The following MIA2 variants were observed in gnomAD, a reference collection of about 807,000 sequenced individuals.
MIA2 encodes the protein MIA SH3 domain ER export factor 2, also known as melanoma inhibitory activity protein 2.
Under a neutral mutation model 167.8 loss-of-function variants are expected in MIA2, and 127 were observed. That is an observed-to-expected ratio of 0.76 (90% CI 0.66 to 0.88). The LOEUF is 0.88. Among genes scored for constraint, MIA2 ranks in the 40% least tolerant of loss-of-function variants. The probability of loss-of-function intolerance (pLI) is 0.00; values close to 1 mark genes in which losing one functional copy is unlikely to be tolerated. For synonymous variants in MIA2, 552 were observed against 541.9 expected (o/e 1.02, Z -0.26); for missense variants, 1,690 against 1,624.7 (o/e 1.04, Z -0.69).
At chr14:39,285,681 C>CGGACGG (rs1566730973) in intron 9 of MIA2, among the ~76,000 whole-genome samples, 1 of 151,508 alleles carries the variant, frequency 6.6e-6, no homozygotes. Context: ...ACCTCCCTCC[C>CGGACGG]GGTCGGGGTG....
chr14:39,279,441 T>A lies in MIA2; in HGVS notation c.2042-8T>A, dbSNP rs1408268600. ...TTACTCATGGTAATATTGACTTGAC[T>A]TTTTTAGGACGAGAGAAAAAGCTTG... is the stretch of plus-strand genomic sequence containing the variant. On this transcript the variant is annotated splice_region_variant and splice_polypyrimidine_tract_variant and intron_variant, in intron 8 of 28. Transcript: ENST00000640607. 1.9e-6 allele frequency: 3 copies of A among 1,603,526 alleles called. No individual in the cohort carries two copies. The African/African-American group carries it at 4.0e-5, about 22-fold the overall frequency.
chr14:39,290,245 A>G (rs1395351860), intron 9 of MIA2, among the ~76,000 whole-genome samples: 1 of 152,148 alleles, frequency 6.6e-6, no homozygotes, highest in Non-Finnish European at 1.5e-5. Context: ...GTCAAATACT[A>G]GACTTGCCTT....
intron 6 of MIA2, among the ~76,000 whole-genome samples, chr14:39,270,395 T>G (rs1251843031): frequency 6.6e-6 from 1 of 151,874 alleles, no homozygotes; most frequent in Non-Finnish European, 1.5e-5. Context: ...AGAGACAGGT[T>G]TCACCATGTT....
At chr14:39,325,157 A>G (rs1467072933) in intron 24 of MIA2, among the ~76,000 whole-genome samples, 1 of 151,846 alleles carries the variant, frequency 6.6e-6, no homozygotes, top group African/African-American at 2.4e-5. Flanking sequence ...TAGGAGGCGG[A>G]GGTTGCAGTG....
intron 23 of MIA2, among the ~76,000 whole-genome samples, chr14:39,379,371 C>T (rs2075107845): frequency 6.6e-6 from 1 of 152,118 alleles, no homozygotes; most frequent in Non-Finnish European, 1.5e-5. Flanking sequence ...TAATTTCTGG[C>T]CCTGTGCCTC....
chr14:39,382,299 C>T (rs1174091678), intron 23 of MIA2, among the ~76,000 whole-genome samples: 2 of 152,258 alleles, frequency 1.3e-5, no homozygotes, highest in African/African-American at 4.8e-5. Context: ...TAAAGACAGC[C>T]CAAGCTGGTA....
Position 39,253,132 on chromosome 14 carries a change from G to A in MIA2, c.1848G>A (p.Met616Ile), listed in dbSNP as rs771919769. ...YLFQIDVYDF[M>I]NSAFSPIVIL... ...TCCAAATTGATGTTTATGATTTCAT[G>A]AATTCTGCATTTTCACCAATTGTAA... The change falls in exon 6 of 29, where the codon ATG becomes ATA. Residue 616 changes from methionine (M) to isoleucine (I), a missense_variant. Met to Ile is a conservative substitution (Grantham distance 10). Transcript: ENST00000640607. 2.5e-6 allele frequency: 4 copies of A among 1,608,260 alleles called. No individual in the cohort carries two copies. The highest frequency in any genetic ancestry group is 3.4e-6 in the Non-Finnish European group (4 of 1,176,936).
At chr14:39,364,714 G>T (rs1274052068) in intron 23 of MIA2, among the ~76,000 whole-genome samples, 10 of 150,344 alleles carry the variant, frequency 6.7e-5, no homozygotes, top group African/African-American at 1.2e-4. Context: ...CTGATAGTTT[G>T]TTTTTTTTGT....
At chr14:39,303,758 G>A (rs915460265) in intron 16 of MIA2, among the ~76,000 whole-genome samples, 3 of 151,506 alleles carry the variant, frequency 2.0e-5, no homozygotes, top group South Asian at 2.1e-4. Flanking sequence ...CTCATTTTTC[G>A]GATAAGACTA....
chr14:39,323,249 G>C (rs1410820556), intron 24 of MIA2, among the ~76,000 whole-genome samples: 1 of 151,996 alleles, frequency 6.6e-6, no homozygotes, highest in Non-Finnish European at 1.5e-5. Context: ...AGTCCCCCCA[G>C]TAGATTGGGC....
At chr14:39,282,182 G>C (rs2059050558) in intron 9 of MIA2, among the ~76,000 whole-genome samples, 1 of 152,160 alleles carries the variant, frequency 6.6e-6, no homozygotes, top group Admixed American at 6.5e-5. Context: ...TCTCTTCAGT[G>C]AGGATTTACT....
In MIA2 at chr14:39,298,443, A is replaced by ATATATATAT. The variant is rs1372100362; in HGVS notation, c.2497-1421_2497-1420insTATATATAT. Among the ~76,000 whole-genome samples, 240 of 50,002 alleles carry ATATATATAT rather than the reference A, an allele frequency of 4.8e-3. 31 individuals are homozygous for ATATATATAT. The highest frequency in any genetic ancestry group is 0.022 in the East Asian group (24 of 1,108). The allele number at this position is 50,002 out of a possible 152,430, so 32.8% of individuals were successfully genotyped here. A position where few individuals can be genotyped will look rare whatever the true frequency, so the allele number is the denominator to read the frequency against. On this transcript the variant is annotated intron_variant, in intron 13 of 28. Coordinates refer to ENST00000640607, the MANE Select transcript of MIA2 (RefSeq NM_001329214.4). ...TATATATATATATATATATATATAT[A>ATATATATAT]AAGATTAGTTTTTCATGTGTTCGGA...
chr14:39,302,513 A>T (rs372140745), intron 15 of MIA2, among the ~76,000 whole-genome samples: 2 of 152,262 alleles, frequency 1.3e-5, no homozygotes, highest in South Asian at 4.2e-4. Context: ...TCTTTATTAT[A>T]GCCATTTTCA....
chr14:39,267,018 C>A (rs2055844904), intron 6 of MIA2: 3 of 974,754 alleles, frequency 3.1e-6, no homozygotes, highest in Non-Finnish European at 3.7e-6. Context: ...TCTCCACTAC[C>A]AGGGCTGGGT....
chr14:39,281,761 A>C (rs1007174292), intron 9 of MIA2, among the ~76,000 whole-genome samples: 13 of 151,672 alleles, frequency 8.6e-5, no homozygotes, highest in Non-Finnish European at 1.8e-4. Flanking sequence ...AGCTGGGACT[A>C]CAGGCACACG....
chr14:39,344,833 A>G (rs1216820401), intron 25 of MIA2, among the ~76,000 whole-genome samples: 1 of 152,260 alleles, frequency 6.6e-6, no homozygotes, highest in African/African-American at 2.4e-5. Context: ...AACTACCTAT[A>G]CTTTTTCAAG....
At chr14:39,382,953 G>GTTTTTTT (rs10689511) in intron 23 of MIA2, among the ~76,000 whole-genome samples, 49 of 74,994 alleles carry the variant, frequency 6.5e-4, no homozygotes, top group Non-Finnish European at 8.3e-4. Context: ...TATGGCCACA[G>GTTTTTTT]TTTTTTTTTT....
chr14:39,298,428 T>A (rs1285892014), intron 13 of MIA2, among the ~76,000 whole-genome samples: 1 of 19,178 alleles, frequency 5.2e-5, no homozygotes. Context: ...TATATATATA[T>A]ATATATATAT....
At chr14:39,349,358 TAA>T (rs1156237869) in intron 28 of MIA2, among the ~76,000 whole-genome samples, 1 of 152,226 alleles carries the variant, frequency 6.6e-6, no homozygotes, top group Non-Finnish European at 1.5e-5. Context: ...AGATATTTTT[TAA>T]AGTCTTTTTC....
Sources: gnomAD v4.1 joint callset for allele counts (sites outside exome capture counted in the v4.1 genomes callset) on GRCh38, gnomAD v4.1.1 for gene constraint, MANE v1.5 for transcripts, NCBI Gene and HGNC (gene_info 2026-07-23, HGNC 2026-07-21) for gene names.